THEM4: variants seen among roughly 807,000 people sequenced by gnomAD.
The protein encoded by THEM4 is acyl-coenzyme A thioesterase THEM4.
THEM4 carries 22 observed loss-of-function variants against 25.0 expected under a neutral mutation model. The observed-to-expected ratio is 0.88, with a 90% confidence interval of 0.63 to 1.26. The LOEUF is 1.26. Ranked by LOEUF, THEM4 falls within the 50% of genes most tolerant of loss-of-function variation. The probability of loss-of-function intolerance (pLI) is 0.00; values close to 1 mark genes in which losing one functional copy is unlikely to be tolerated. For synonymous variants in THEM4, 113 were observed against 105.6 expected (o/e 1.07, Z -0.43); for missense variants, 286 against 300.3 (o/e 0.95, Z 0.35).
At chr1:151,898,281 G>A (rs1296266907) in intron 1 of THEM4, among the ~76,000 whole-genome samples, 3 of 152,170 alleles carry the variant, frequency 2.0e-5, no homozygotes, top group Non-Finnish European at 4.4e-5. Context: ...CCTTCGGTTT[G>A]CATGGGAGCT....
chr1:151,908,164 T>C (rs544475931), intron 1 of THEM4, among the ~76,000 whole-genome samples: 11 of 152,248 alleles, frequency 7.2e-5, no homozygotes, highest in Non-Finnish European at 1.6e-4. Context: ...AGGTTTTTCT[T>C]TTCCTTTTGG....
chr1:151,883,885 G>A (rs1329479104), intron 4 of THEM4, among the ~76,000 whole-genome samples: 27 of 151,936 alleles, frequency 1.8e-4, no homozygotes, highest in Admixed American at 1.8e-3. Context: ...GACCAGCCTG[G>A]CCAACATGGT....
At chr1:151,894,909 A>G in intron 2 of THEM4, 99 bp downstream of exon 2, 1 of 1,306,254 alleles carries the variant, frequency 7.7e-7, no homozygotes, top group Non-Finnish European at 1.1e-6. Context: ...ATCCTGCATT[A>G]TATTCTTTCT....
chr1:151,887,302 T>A (rs1364306848), intron 4 of THEM4, among the ~76,000 whole-genome samples: 1 of 152,038 alleles, frequency 6.6e-6, no homozygotes, highest in African/African-American at 2.4e-5. Context: ...TGGTGGTGCA[T>A]GCCTGTAATA....
chr1:151,895,079 G>A lies in THEM4; in HGVS notation c.215C>T (p.Ser72Phe), dbSNP rs895577020. 6.2e-7 allele frequency: 1 copy of A among 1,614,096 alleles called. No individual in the cohort carries two copies. The highest frequency in any genetic ancestry group is 1.1e-5 in the South Asian group (1 of 91,084). ...DQFMKKCEDG[S>F]WKRLPSYKRT... Reference sequence around the variant, plus strand: ...TTTATATGAAGGCAAACGTTTCCAGGAGCCGTCTTCACATTTCTTCATAAA... The same window carrying A: ...TTTATATGAAGGCAAACGTTTCCAGAAGCCGTCTTCACATTTCTTCATAAA... The change falls in exon 2 of 6, where the codon TCC (serine) becomes TTC (phenylalanine). Residue 72 changes from serine (S) to phenylalanine (F), a missense_variant. Coordinates refer to ENST00000368814, the MANE Select transcript of THEM4 (RefSeq NM_053055.5).
intron 4 of THEM4, among the ~76,000 whole-genome samples, chr1:151,885,122 TA>T: frequency 1.3e-5 from 2 of 150,764 alleles, no homozygotes; most frequent in Admixed American, 6.6e-5. Flanking sequence ...TTTATTTATT[TA>T]TTTATTTATT....
intron 4 of THEM4, among the ~76,000 whole-genome samples, chr1:151,887,388 C>T (rs182404677): frequency 4.6e-4 from 70 of 151,768 alleles, no homozygotes; most frequent in Admixed American, 1.6e-3. Flanking sequence ...TGAGATCATG[C>T]CACCACACTC....
intron 1 of THEM4, among the ~76,000 whole-genome samples, chr1:151,896,035 C>T (rs538502769): frequency 6.8e-6 from 1 of 146,530 alleles, no homozygotes; most frequent in Non-Finnish European, 1.5e-5. Flanking sequence ...CTCTGTTGTC[C>T]AGGCTGGAGT....
chr1:151,879,254 G>A (rs1653756771), intron 4 of THEM4, among the ~76,000 whole-genome samples: 1 of 152,110 alleles, frequency 6.6e-6, no homozygotes, highest in Admixed American at 6.5e-5. Flanking sequence ...AAACGAGACT[G>A]GGTCTCTCAA....
In THEM4 at chr1:151,876,922, T is replaced by TCAAC. The variant is rs143944284; in HGVS notation, c.682+75_682+78dup. 5.4e-5 allele frequency: 81 copies of TCAAC among 1,504,772 alleles called. No individual in the cohort carries two copies. The Middle Eastern group carries it at 1.5e-3, about 28-fold the overall frequency. 93.2% of individuals were successfully genotyped at this position (1,504,772 alleles called of 1,614,324 possible). A position where few individuals can be genotyped will look rare whatever the true frequency, so the allele number is the denominator to read the frequency against. ...CCCCCTGACCCCCACAAAACCCAAA[T>TCAAC]CAACCAACCAACCAACCAACCAAAA... is the stretch of plus-strand genomic sequence containing the variant. On this transcript the variant is annotated intron_variant, in intron 5 of 5. Transcript: ENST00000368814.
At chr1:151,904,810 C>T (rs770481277) in intron 1 of THEM4, among the ~76,000 whole-genome samples, 1 of 152,014 alleles carries the variant, frequency 6.6e-6, no homozygotes, top group Admixed American at 6.6e-5. Flanking sequence ...GCTTTGAAAA[C>T]TAGGGTGAAT....
chr1:151,888,261 C>T lies in THEM4; in HGVS notation c.557+12G>A. The T allele has an allele frequency of 1.9e-6, 3 of 1,600,206 alleles. No homozygotes were observed. Among genetic ancestry groups the T allele is most frequent in the Non-Finnish European group, 2.6e-6 (3 of 1,169,998 alleles). On this transcript the variant is annotated intron_variant, in intron 4 of 5. Coordinates refer to ENST00000368814, the MANE Select transcript of THEM4 (RefSeq NM_053055.5). ...ACACCTAAGGATAAATAGAGAATTA[C>T]TGTGAATTTACCTTTTATAATTGAT... is the stretch of plus-strand genomic sequence containing the variant.
chr1:151,891,405 C>T (rs1360416104), intron 2 of THEM4: 5 of 152,148 alleles, frequency 3.3e-5, no homozygotes, highest in African/African-American at 1.2e-4. Context: ...GTGATTTTCT[C>T]TAGCAATGCT....
chr1:151,908,536 G>A (rs1291430830), intron 1 of THEM4, among the ~76,000 whole-genome samples: 1 of 152,180 alleles, frequency 6.6e-6, no homozygotes. Context: ...AGTAAAGTTT[G>A]AAAGCCAGAA....
rs56770133 is a variant in THEM4, at chr1:151,878,889, TATAC to T, written c.558-1768_558-1765del. 8.2e-3 allele frequency among the ~76,000 whole-genome samples: 1,051 copies of T among 127,692 alleles called. 24 individuals carry two copies. The highest frequency in any genetic ancestry group is 0.016 in the South Asian group (64 of 4,122). 83.8% of individuals were successfully genotyped at this position (127,692 alleles called of 152,430 possible). A position where few individuals can be genotyped will look rare whatever the true frequency, so the allele number is the denominator to read the frequency against. On this transcript the variant is annotated intron_variant, in intron 4 of 5. Transcript: ENST00000368814. ...TTGTTTTATTATATTTGTATATGTC[TATAC>T]ACACACACACACACACACACACACA...
Position 151,895,028 on chromosome 1 carries a change from T to C in THEM4, c.266A>G (p.Asp89Gly). 3.1e-6 allele frequency: 5 copies of C among 1,614,140 alleles called. No homozygotes were observed. Among genetic ancestry groups the C allele is most frequent in the Non-Finnish European group, 4.2e-6 (5 of 1,180,026 alleles). The change falls in exon 2 of 6, where the codon GAC becomes GGC. Residue 89 changes from aspartate (D) to glycine (G), a missense_variant. Transcript: ENST00000368814. ...TCTACCAAGAAAATGGGTTTTGAAG[T>C]CTTGAATCCATTCAGTAGGTGTACG... ...YKRTPTEWIQDFKTHFLDPKL... is the reference protein window; with the variant it reads ...YKRTPTEWIQGFKTHFLDPKL...
rs535557956 is a variant in THEM4, at chr1:151,890,928, T to G, written c.287-1555A>C. 3.9e-5 allele frequency: 6 copies of G among 152,300 alleles called. No individual in the cohort carries two copies. In the East Asian group the frequency reaches 9.6e-4, roughly 24 times the overall value. 9.4% of individuals were successfully genotyped at this position (152,300 alleles called of 1,614,324 possible). The stretch of plus-strand genomic sequence containing the variant: ...ACTTCAGGATAAGATAGGTGTTAAG[T>G]GCTTATAATTGTTTTACTTAGGAGT... On this transcript the variant is annotated intron_variant, in intron 2 of 5. Coordinates refer to ENST00000368814, the MANE Select transcript of THEM4 (RefSeq NM_053055.5).
chr1:151,873,888 C>T lies in THEM4; in HGVS notation c.*1000G>A, dbSNP rs985392401. The T allele has an allele frequency of 6.6e-6, 1 of 152,312 alleles. No homozygotes were observed. Among genetic ancestry groups the T allele is most frequent in the Non-Finnish European group, 1.5e-5 (1 of 68,046 alleles). 9.4% of individuals were successfully genotyped at this position (152,312 alleles called of 1,614,324 possible). On this transcript the variant is annotated 3_prime_UTR_variant, in exon 6 of 6. Coordinates refer to ENST00000368814, the MANE Select transcript of THEM4 (RefSeq NM_053055.5). ...TTCAGGAGAATGGCCTTGGTCAACA[C>T]CTTGATTTTGAACTTCTGGCCTCCA...
At chr1:151,883,988 T>C (rs1375707106) in intron 4 of THEM4, among the ~76,000 whole-genome samples, 3 of 151,720 alleles carry the variant, frequency 2.0e-5, no homozygotes, top group Non-Finnish European at 2.9e-5. Flanking sequence ...AGCAGGAGAA[T>C]CACTTGAACC....
Sources: allele counts gnomAD v4.1 joint callset (sites outside exome capture counted in the v4.1 genomes callset), GRCh38; gene constraint gnomAD v4.1.1; transcripts MANE v1.5; gene names NCBI Gene and HGNC (gene_info 2026-07-23, HGNC 2026-07-21).